Variants in KATNIP observed in about 807,000 individuals in gnomAD.
KATNIP encodes katanin interacting protein.
A neutral mutation model predicts 174.0 loss-of-function variants in KATNIP; 126 were observed. That is an observed-to-expected ratio of 0.72 (90% CI 0.63 to 0.84). KATNIP has a LOEUF of 0.84. Among genes scored for constraint, KATNIP ranks in the 40% least tolerant of loss-of-function variants. The pLI, the probability that KATNIP is intolerant of heterozygous loss-of-function variation, is 0.00. For synonymous variants in KATNIP, 810 were observed against 835.7 expected, an observed-to-expected ratio of 0.97 and a Z score of 0.53; for missense variants, 1,958 against 2,109.7, an observed-to-expected ratio of 0.93 and a Z score of 1.41.
intron 2 of KATNIP, among the ~76,000 whole-genome samples, chr16:27,599,788 A>G (rs2075454479): frequency 6.6e-6 from 1 of 152,212 alleles, no homozygotes; most frequent in African/African-American, 2.4e-5. Flanking sequence ...GTCTCAGGGC[A>G]GAACTCCTGC....
intron 13 of KATNIP, among the ~76,000 whole-genome samples, chr16:27,717,915 G>T (rs1410806708): frequency 6.6e-6 from 1 of 152,164 alleles, no homozygotes; most frequent in Non-Finnish European, 1.5e-5. Flanking sequence ...CTGGCTCCCA[G>T]ATTCCCTGGG....
intron 6 of KATNIP, among the ~76,000 whole-genome samples, chr16:27,668,523 C>G (rs865976794): frequency 6.6e-6 from 1 of 152,202 alleles, no homozygotes. Flanking sequence ...GTCAAGTAAA[C>G]CTCTTTTTCT....
rs372938389 is a variant in KATNIP, at chr16:27,775,100, C to T, written c.4449+16C>T. ...GCCGGGCCTGGTGGGTTCCCGGCAG[C>T]GGCCACCGCAGCTCCTGGCCCTCAG... On this transcript the variant is annotated intron_variant, in intron 24 of 27. Coordinates refer to ENST00000261588, the MANE Select transcript of KATNIP (RefSeq NM_015202.5). The T allele has an allele frequency of 2.1e-5, 33 of 1,607,466 alleles. No homozygotes were observed. The highest frequency in any genetic ancestry group is 1.2e-4 in the Admixed American group (7 of 59,166).
rs544390283 is a variant in KATNIP, at chr16:27,754,155, T to A, written c.3553-18T>A. On this transcript the variant is annotated intron_variant, in intron 17 of 27. Coordinates refer to ENST00000261588, the MANE Select transcript of KATNIP (RefSeq NM_015202.5). ...TAAAACCACCCCCTTTTCCTCTGCT[T>A]CTCCAACCCATGTGCAGATCCCGGA... The A allele has an allele frequency of 2.4e-5, 39 of 1,611,680 alleles. No homozygotes were observed. The South Asian group carries it at 3.0e-4, about 12-fold the overall frequency.
In KATNIP at chr16:27,773,209, AG is replaced by A; in HGVS notation, c.4309+1del. The stretch of plus-strand genomic sequence containing the variant: ...AGAAAAAATCCCCTTGTCGGAAAAC[AG>A]TATCCTTTGTAGGACAGGAGTGGGC... On this transcript the variant is annotated splice_donor_variant, in intron 23 of 27. Coordinates refer to ENST00000261588, the MANE Select transcript of KATNIP (RefSeq NM_015202.5). LOFTEE classifies it high-confidence loss of function. 6.2e-7 allele frequency: 1 copy of A among 1,600,894 alleles called. No homozygotes were observed. The highest frequency in any genetic ancestry group is 8.5e-7 in the Non-Finnish European group (1 of 1,170,954).
At position 27,670,978 on chromosome 16, in the gene KATNIP, G is replaced by A. The variant is rs147172753; in HGVS notation, c.541-6751G>A. Among the ~76,000 whole-genome samples the A allele has an allele frequency of 9.8e-3, 1,488 of 152,272 alleles. 30 individuals carry two copies. Among genetic ancestry groups the A allele is most frequent in the African/African-American group, 0.033 (1,388 of 41,548 alleles). On this transcript the variant is annotated intron_variant, in intron 6 of 27. Transcript: ENST00000261588. ...AAGCCACGGCAGGTGGATCACCTGA[G>A]GTCAAGAGTTCAAGACCAGCCTAGC...
At chr16:27,686,942 G>C (rs1296346406) in intron 8 of KATNIP, among the ~76,000 whole-genome samples, 1 of 152,130 alleles carries the variant, frequency 6.6e-6, no homozygotes, top group Non-Finnish European at 1.5e-5. Context: ...AACACCACTA[G>C]ACATTATTTC....
chr16:27,732,507 A>C (rs1433275405), intron 14 of KATNIP, among the ~76,000 whole-genome samples: 1 of 152,216 alleles, frequency 6.6e-6, no homozygotes, highest in Non-Finnish European at 1.5e-5. Flanking sequence ...GAGGACAAGC[A>C]TGTGTCTGTG....
At chr16:27,668,591 A>AGGC in intron 6 of KATNIP, among the ~76,000 whole-genome samples, 1 of 152,198 alleles carries the variant, frequency 6.6e-6, no homozygotes, top group South Asian at 2.1e-4. Context: ...ACAGAGTCAG[A>AGGC]TGGTCATTCC....
chr16:27,778,603 AAGG>A lies in KATNIP; in HGVS notation c.4834_4836del (p.Glu1612del). On this transcript the variant is annotated inframe_deletion, in exon 28 of 28. Coordinates refer to ENST00000261588, the MANE Select transcript of KATNIP (RefSeq NM_015202.5). ...ACGTCCCAAAACCTGCATCAGCGAG[AAGG>A]AGACGAGACGACGGCGCTGCTGACT... The A allele has an allele frequency of 1.2e-6, 2 of 1,613,834 alleles. No individual in the cohort carries two copies. The highest frequency in any genetic ancestry group is 1.7e-6 in the Non-Finnish European group (2 of 1,179,836).
chr16:27,743,269 T>C (rs2143622129), intron 15 of KATNIP, among the ~76,000 whole-genome samples: 1 of 152,292 alleles, frequency 6.6e-6, no homozygotes, highest in South Asian at 2.1e-4. Flanking sequence ...TTGATGGGTA[T>C]TTGGGTTAAT....
rs562655100 is a variant in KATNIP at position 27,777,800 on chromosome 16, C to T, written c.4712+30C>T. Reference sequence around the variant, plus strand: ...GGCCCCAGCCGGCCCCATGGCCTCCCCACCAGCCCTAAGGAGGATGGATGG... The same window carrying T: ...GGCCCCAGCCGGCCCCATGGCCTCCTCACCAGCCCTAAGGAGGATGGATGG... On this transcript the variant is annotated intron_variant, in intron 26 of 27. Coordinates refer to ENST00000261588, the MANE Select transcript of KATNIP (RefSeq NM_015202.5). This position sits in a 1 kb window ranked among gnomAD's most constrained non-coding sequence, Gnocchi z 4.4. 50 of 1,612,630 alleles carry T rather than the reference C, an allele frequency of 3.1e-5. 1 individual carries two copies. The South Asian group carries it at 4.9e-4, about 16-fold the overall frequency.
At chr16:27,693,675 C>T (rs544214352) in intron 8 of KATNIP, among the ~76,000 whole-genome samples, 43 of 152,288 alleles carry the variant, frequency 2.8e-4, no homozygotes, top group Non-Finnish European at 4.6e-4. Flanking sequence ...AGACGTGAGC[C>T]ACTGCGCCTG....
chr16:27,746,960 C>T (rs1361338346), intron 15 of KATNIP, among the ~76,000 whole-genome samples: 1 of 152,180 alleles, frequency 6.6e-6, no homozygotes, highest in African/African-American at 2.4e-5. Flanking sequence ...ACTGAAGTGA[C>T]AGAGTGGACA....
chr16:27,644,392 G>A (rs78949236), intron 5 of KATNIP: 1,844 of 152,080 alleles, frequency 0.012, 52 homozygotes, highest in African/African-American at 0.042. Flanking sequence ...AACAGCCCTC[G>A]TGGGCATCTG....
rs77468023 is a variant in KATNIP at position 27,660,002 on chromosome 16, C to T, written c.540+11267C>T. 2,822 of 984,620 alleles carry T rather than the reference C, an allele frequency of 2.9e-3. 72 individuals carry two copies. In the African/African-American group the frequency reaches 0.043, roughly 15 times the overall value. 61.0% of individuals were successfully genotyped at this position (984,620 alleles called of 1,614,324 possible). The stretch of plus-strand genomic sequence containing the variant: ...TTATTTGATAGTTTATATAACATTA[C>T]GCCTCCTGAGGATGTCGGAGTTTGC... On this transcript the variant is annotated intron_variant, in intron 6 of 27. Transcript: ENST00000261588.
chr16:27,621,433 G>T (rs2076192518), intron 3 of KATNIP, among the ~76,000 whole-genome samples: 1 of 152,076 alleles, frequency 6.6e-6, no homozygotes, highest in Non-Finnish European at 1.5e-5. Flanking sequence ...TACTTCACTT[G>T]CAGTGGCCAA....
chr16:27,709,128 G>A (rs775294861), intron 13 of KATNIP: 2 of 495,170 alleles, frequency 4.0e-6, no homozygotes, highest in Non-Finnish European at 7.2e-6. Flanking sequence ...AGACCAGCCT[G>A]GGCAACAAGG....
chr16:27,723,397 C>T (rs2080315176), intron 14 of KATNIP, among the ~76,000 whole-genome samples: 1 of 151,750 alleles, frequency 6.6e-6, no homozygotes, highest in African/African-American at 2.4e-5. Context: ...CCCCATCTCA[C>T]TCAACTCAGA....
Sources: allele counts gnomAD v4.1 joint callset (sites outside exome capture counted in the v4.1 genomes callset), GRCh38; gene constraint gnomAD v4.1.1; non-coding constraint Gnocchi (gnomAD v3.1); transcripts MANE v1.5; gene names NCBI Gene and HGNC (gene_info 2026-07-23, HGNC 2026-07-21).